The following SIAE variants were observed in gnomAD, a reference collection of about 807,000 sequenced individuals.
The protein encoded by SIAE is sialic acid acetylesterase.
A neutral mutation model predicts 52.6 loss-of-function variants in SIAE; 39 were observed. The observed-to-expected ratio is 0.74, with a 90% CI of 0.57 to 0.97. The LOEUF is 0.97. SIAE is among the 50% of genes least tolerant of loss of function. The pLI is 0.00. For synonymous variants in SIAE, 233 were observed against 241.4 expected (o/e 0.97, Z 0.32); for missense variants, 592 against 662.1 (o/e 0.89, Z 1.16).
intron 7 of SIAE, among the ~76,000 whole-genome samples, chr11:124,642,949 A>G (rs1166803622): frequency 6.6e-6 from 1 of 152,130 alleles, no homozygotes; most frequent in Non-Finnish European, 1.5e-5. Context: ...CGACAACCAC[A>G]TGAACTTGGA....
At chr11:124,646,021 C>T (rs1009048689) in intron 7 of SIAE, among the ~76,000 whole-genome samples, 1 of 152,054 alleles carries the variant, frequency 6.6e-6, no homozygotes, top group African/African-American at 2.4e-5. Context: ...CACAGGAAAG[C>T]CTACTCTGTT....
intron 2 of SIAE, among the ~76,000 whole-genome samples, chr11:124,664,712 G>C (rs1157803710): frequency 6.6e-6 from 1 of 152,160 alleles, no homozygotes; most frequent in African/African-American, 2.4e-5. Flanking sequence ...TAGTCATAAA[G>C]TGCTTTCTTG....
upstream of SIAE, chr11:124,675,123 A>T (rs1167178405): frequency 1.2e-5 from 13 of 1,078,104 alleles, no homozygotes; most frequent in East Asian, 3.0e-4. Flanking sequence ...TGTGTTAGGG[A>T]AAAAAGAATT....
Position 124,637,118 on chromosome 11 carries a change from C to G in SIAE, c.1405G>C (p.Asp469His). The change falls in exon 10 of 10, where the codon GAT (aspartate) becomes CAT (histidine). Residue 469 changes from aspartate (D) to histidine (H), a missense_variant. Asp to His is a moderately conservative substitution (Grantham distance 81). Coordinates refer to ENST00000263593, the MANE Select transcript of SIAE (RefSeq NM_170601.5). ...VSTQSLTLAIDSCHGTVVALR... is the reference protein window; with the variant it reads ...VSTQSLTLAIHSCHGTVVALR... ...GCAACCACAGTGCCATGACAAGAAT[C>G]GATCGCCAGGGTCAGGGACTGGGTG... The G allele has an allele frequency of 6.2e-7, 1 of 1,614,118 alleles. No individual in the cohort carries two copies. The highest frequency in any genetic ancestry group is 8.5e-7 in the Non-Finnish European group (1 of 1,180,006).
intron 7 of SIAE, among the ~76,000 whole-genome samples, chr11:124,642,467 T>C (rs1942864512): frequency 6.6e-6 from 1 of 152,192 alleles, no homozygotes; most frequent in Non-Finnish European, 1.5e-5. Flanking sequence ...ATCTGTAAAC[T>C]ACATATCCTA....
In SIAE at chr11:124,670,152, C is replaced by T. The variant is rs1021142936; in HGVS notation, c.68-631G>A. 6.6e-6 allele frequency among the ~76,000 whole-genome samples: 1 copy of T among 152,196 alleles called. No homozygotes were observed. Among genetic ancestry groups the T allele is most frequent in the African/African-American group, 2.4e-5 (1 of 41,446 alleles). ...TAAATACTCATGACAAGTCAGCTTC[C>T]TTCTCAGGTAAATTCAAATAAATCA... On this transcript the variant is annotated intron_variant, in intron 1 of 9. Coordinates refer to ENST00000263593, the MANE Select transcript of SIAE (RefSeq NM_170601.5). The surrounding 1 kb of genome is among the most constrained non-coding windows in gnomAD (Gnocchi z 4.5).
chr11:124,642,967 TC>T (rs1021882146), intron 7 of SIAE, among the ~76,000 whole-genome samples: 2 of 152,100 alleles, frequency 1.3e-5, no homozygotes, highest in Admixed American at 1.3e-4. Context: ...GGAGGAGAAC[TC>T]CAAGCCTCAG....
At chr11:124,647,895 A>G (rs547899419) in intron 6 of SIAE, among the ~76,000 whole-genome samples, 171 bp downstream of exon 6, 1 of 152,314 alleles carries the variant, frequency 6.6e-6, no homozygotes, top group South Asian at 2.1e-4. Context: ...AGGTCCCAGC[A>G]GGAATTAGCT....
intron 7 of SIAE, among the ~76,000 whole-genome samples, chr11:124,646,691 G>C (rs549756975): frequency 6.6e-6 from 1 of 152,250 alleles, no homozygotes; most frequent in South Asian, 2.1e-4. Context: ...CCTTACAAAG[G>C]TGTACCTTTT....
Position 124,637,265 on chromosome 11 carries a change from C to G in SIAE, c.1321-63G>C, listed in dbSNP as rs1034499032. 6.2e-6 allele frequency: 10 copies of G among 1,607,362 alleles called. No individual in the cohort carries two copies. In the African/African-American group the frequency reaches 8.0e-5, roughly 13 times the overall value. On this transcript the variant is annotated intron_variant, in intron 9 of 9. Transcript: ENST00000263593. ...GAAGGGTCTTCCAAGAAACTGGGCA[C>G]TGCTCTTTCAGACAGAATGGATGGG...
intron 7 of SIAE, among the ~76,000 whole-genome samples, chr11:124,641,531 G>A (rs980365981): frequency 6.6e-6 from 1 of 152,176 alleles, no homozygotes; most frequent in Non-Finnish European, 1.5e-5. Flanking sequence ...ATGTGCTAAC[G>A]TGCTACTGAA....
intron 9 of SIAE, among the ~76,000 whole-genome samples, chr11:124,637,964 G>C (rs1005340359): frequency 2.6e-5 from 4 of 152,152 alleles, no homozygotes; most frequent in Non-Finnish European, 5.9e-5. Context: ...AATGTTCCAT[G>C]TAGGAATGCC....
intron 3 of SIAE, 41 bp from the exon 4 acceptor site, chr11:124,654,834 T>A: frequency 6.2e-7 from 1 of 1,611,056 alleles, no homozygotes; most frequent in East Asian, 2.2e-5. Context: ...TAGCAGGTGG[T>A]GAACTAGCCT....
chr11:124,654,585 C>A, intron 4 of SIAE, 70 bp downstream of exon 4: 5 of 1,613,068 alleles, frequency 3.1e-6, no homozygotes, highest in Non-Finnish European at 4.2e-6. Flanking sequence ...GAACCAAATT[C>A]AGTCTTACAG....
At chr11:124,661,692 A>G (rs1000978218) in intron 2 of SIAE, among the ~76,000 whole-genome samples, 2 of 152,246 alleles carry the variant, frequency 1.3e-5, no homozygotes, top group Admixed American at 6.5e-5. Flanking sequence ...TGATAAAACA[A>G]GCATGGGAAA....
Position 124,648,264 on chromosome 11 carries a change from G to A in SIAE, c.723-89C>T, listed in dbSNP as rs1246565320. ...ATTGGTCATCTATCCACTTTCACTT[G>A]TGGTAAACTTCTGATGAAAGCAACA... On this transcript the variant is annotated intron_variant, in intron 5 of 9. Transcript: ENST00000263593. 6 of 913,566 alleles carry A rather than the reference G, an allele frequency of 6.6e-6. No individual in the cohort carries two copies. The South Asian group carries it at 8.0e-5, about 12-fold the overall frequency. The allele number at this position is 913,566 out of a possible 1,614,324, so 56.6% of individuals were successfully genotyped here.
intron 7 of SIAE, 72 bp from the exon 8 acceptor site, chr11:124,639,939 C>CT: frequency 1.3e-6 from 2 of 1,526,390 alleles, no homozygotes; most frequent in Admixed American, 3.3e-5. Flanking sequence ...CTGGCAGACT[C>CT]TGCTTCTGCT....
At chr11:124,663,441 G>A (rs374266812) in intron 2 of SIAE, among the ~76,000 whole-genome samples, 3 of 152,142 alleles carry the variant, frequency 2.0e-5, no homozygotes, top group African/African-American at 7.2e-5. Context: ...TGGGCATGGT[G>A]GCGGCACCCG....
chr11:124,668,814 A>C (rs2099600143), intron 2 of SIAE, among the ~76,000 whole-genome samples: 1 of 152,212 alleles, frequency 6.6e-6, no homozygotes. Context: ...CTGACTTAGA[A>C]ATCCAAAGAA....
Sources: allele counts gnomAD v4.1 joint callset (sites outside exome capture counted in the v4.1 genomes callset), GRCh38; gene constraint gnomAD v4.1.1; non-coding constraint Gnocchi (gnomAD v3.1); transcripts MANE v1.5; gene names NCBI Gene and HGNC (gene_info 2026-07-23, HGNC 2026-07-21).